Variants in VIL1 observed in about 807,000 individuals in gnomAD.
VIL1 encodes villin 1, also known as villin-1.
A neutral mutation model predicts 104.0 loss-of-function variants in VIL1; 86 were observed. That is an observed-to-expected ratio of 0.83 (90% CI 0.69 to 0.99). The LOEUF is 0.99. Ranked by LOEUF, VIL1 falls within the 50% of genes least tolerant of loss-of-function variation. VIL1 has a pLI of 0.00. For missense variants in VIL1, 944 were observed against 1,054.1 expected (o/e 0.90, Z 1.45); for synonymous variants, 394 against 412.6 (o/e 0.95, Z 0.55).
At chr2:218,431,780 C>T (rs1689102510) in intron 10 of VIL1, 77 bp from the exon 11 acceptor site, 3 of 1,206,084 alleles carry the variant, frequency 2.5e-6, no homozygotes, top group East Asian at 4.9e-5. Context: ...AGAATTGTAG[C>T]CACCATTCAG....
chr2:218,449,384 T>TACTG lies in VIL1; in HGVS notation c.*48_*49insACTG. 6.9e-7 allele frequency: 1 copy of TACTG among 1,451,024 alleles called. No homozygotes were observed. Among genetic ancestry groups the TACTG allele is most frequent in the Non-Finnish European group, 9.7e-7 (1 of 1,033,418 alleles). The allele number at this position is 1,451,024 out of a possible 1,614,324, so 89.9% of individuals were successfully genotyped here. On this transcript the variant is annotated 3_prime_UTR_variant, in exon 20 of 20. Transcript: ENST00000248444. ...GCAGTACCCTACCCTGATTGTAGGG[T>TACTG]CTCATTTTCTCACCGATATTAGTCC...
At chr2:218,432,523 A>C (rs1689116500) in intron 12 of VIL1, 1 of 699,834 alleles carries the variant, frequency 1.4e-6, no homozygotes, top group African/African-American at 1.7e-5. Context: ...AAGGAGCAGA[A>C]AGGAAAGGAG....
Position 218,440,630 on chromosome 2 carries a change from A to G in VIL1, c.2230-92A>G, listed in dbSNP as rs574209388. The G allele has an allele frequency of 9.9e-6, 15 of 1,520,800 alleles. No individual in the cohort carries two copies. The Admixed American group carries it at 2.3e-4, about 24-fold the overall frequency. The allele number at this position is 1,520,800 out of a possible 1,614,324, so 94.2% of individuals were successfully genotyped here. On this transcript the variant is annotated intron_variant, in intron 18 of 19. Transcript: ENST00000248444. ...GGGTGGGACATGGGAGGCTTCTTGA[A>G]GGTGGTGCCCTAGAGACTTCAGAGA...
intron 15 of VIL1, among the ~76,000 whole-genome samples, chr2:218,436,156 G>A (rs541406117): frequency 2.2e-4 from 34 of 152,182 alleles, no homozygotes; most frequent in Admixed American, 2.1e-3. Flanking sequence ...TTTTTCTAGA[G>A]AATATCCATG....
intron 19 of VIL1, among the ~76,000 whole-genome samples, chr2:218,443,935 A>G (rs570839070): frequency 6.6e-6 from 1 of 152,030 alleles, no homozygotes; most frequent in African/African-American, 2.4e-5. Context: ...GATTACAGGC[A>G]TAAGACGCTG....
At chr2:218,429,151 G>C in intron 6 of VIL1, 134 bp from the exon 7 acceptor site, 1 of 1,034,628 alleles carries the variant, frequency 9.7e-7, no homozygotes. Context: ...CCCTCCGACG[G>C]GGAAAAGCAG....
rs1689078680 is a variant in VIL1 at position 218,430,724 on chromosome 2, G to C, written c.949-1G>C. On this transcript the variant is annotated splice_acceptor_variant, in intron 9 of 19. Transcript: ENST00000248444. LOFTEE classifies it high-confidence loss of function. ...CTTCCAGCCACCCCTTTCTCTTCCA[G>C]AACTTCATCAAAGCCAAGCAGTACC... 7 of 1,580,434 alleles carry C rather than the reference G, an allele frequency of 4.4e-6. No individual in the cohort carries two copies. The highest frequency in any genetic ancestry group is 6.0e-6 in the Non-Finnish European group (7 of 1,161,652).
intron 13 of VIL1, 107 bp downstream of exon 13, chr2:218,433,058 CA>C (rs1689127122): frequency 2.2e-6 from 3 of 1,388,552 alleles, no homozygotes; most frequent in Non-Finnish European, 3.0e-6. Flanking sequence ...AGGTGAAGCC[CA>C]TTCTTCATAG....
chr2:218,449,319 GA>G lies in VIL1; in HGVS notation c.2472del (p.Gly825AspfsTer27). 4.3e-6 allele frequency: 7 copies of G among 1,613,488 alleles called. No individual in the cohort carries two copies. Among genetic ancestry groups the G allele is most frequent in the South Asian group, 1.1e-5 (1 of 91,068 alleles). ...PRWKQQNLKK[E>X]KGLF ...ATGGAAGCAACAAAACCTCAAGAAA[GA>G]AAAAGGACTATTTTGAGAAGAGTAG... On this transcript the variant is annotated frameshift_variant, in exon 20 of 20. Transcript: ENST00000248444. LOFTEE classifies it high-confidence loss of function.
intron 19 of VIL1, among the ~76,000 whole-genome samples, chr2:218,448,002 A>G (rs538013196): frequency 1.7e-4 from 26 of 152,230 alleles, no homozygotes; most frequent in African/African-American, 6.3e-4. Flanking sequence ...GCTCATGCTT[A>G]TAATCCCAGC....
chr2:218,433,057 C>A, intron 13 of VIL1, 106 bp downstream of exon 13: 3 of 1,401,820 alleles, frequency 2.1e-6, no homozygotes, highest in Non-Finnish European at 3.0e-6. Context: ...GAGGTGAAGC[C>A]CATTCTTCAT....
At chr2:218,441,007 GA>G in intron 19 of VIL1, 145 bp downstream of exon 19, 1 of 962,808 alleles carries the variant, frequency 1.0e-6, no homozygotes, top group Non-Finnish European at 1.5e-6. Context: ...TATATCCCAG[GA>G]GGAGAGAGAT....
intron 1 of VIL1, among the ~76,000 whole-genome samples, chr2:218,419,622 C>T (rs1040799139): frequency 2.6e-5 from 4 of 152,308 alleles, no homozygotes; most frequent in South Asian, 4.1e-4. Flanking sequence ...CTGGGACCTC[C>T]GGGTCCTGCC....
Position 218,425,742 on chromosome 2 carries a change from C to T in VIL1, c.278C>T (p.Ala93Val). 1.2e-6 allele frequency: 2 copies of T among 1,614,182 alleles called. No homozygotes were observed. Among genetic ancestry groups the T allele is most frequent in the South Asian group, 2.2e-5 (2 of 91,084 alleles). The change falls in exon 4 of 20, where the codon GCT becomes GTT. Residue 93 changes from alanine to valine, a missense_variant. Ala to Val is a moderately conservative substitution (Grantham distance 64). Transcript: ENST00000248444. ...ATGGATGACTTCCTGAAGGGCCGGG[C>T]TGTGCAGCACCGCGAGGTCCAGGGC... ...TQMDDFLKGR[A>V]VQHREVQGNE...
Position 218,424,280 on chromosome 2 carries a change from A to G in VIL1, c.79A>G (p.Met27Val), listed in dbSNP as rs1163969640. The change falls in exon 3 of 20, where the codon ATG becomes GTG. Residue 27 changes from methionine (M) to valine (V), a missense_variant. By Grantham distance (21) the Met-to-Val change is conservative. Coordinates refer to ENST00000248444, the MANE Select transcript of VIL1 (RefSeq NM_007127.3). ...PGLQIWRIEA[M>V]QMVPVPSSTF... is the part of the protein sequence containing the mutation. ...CTGACCCTCTTTCTCTCCTTAGGCC[A>G]TGCAGATGGTGCCTGTTCCTTCCAG... 2 of 1,613,832 alleles carry G rather than the reference A, an allele frequency of 1.2e-6. No homozygotes were observed. Among genetic ancestry groups the G allele is most frequent in the African/African-American group, 2.7e-5 (2 of 74,876 alleles).
chr2:218,432,591 A>G lies in VIL1; in HGVS notation c.1342-202A>G, dbSNP rs1367951950. 7 of 836,114 alleles carry G rather than the reference A, an allele frequency of 8.4e-6. No individual in the cohort carries two copies. The African/African-American group carries it at 1.2e-4, about 14-fold the overall frequency. The allele number at this position is 836,114 out of a possible 1,614,324, so 51.8% of individuals were successfully genotyped here. ...GGTCAGGGCTGGGCTGGGTCTGGGA[A>G]AGAATTAGGTTTGAGGTTGAGATCA... On this transcript the variant is annotated intron_variant, in intron 12 of 19. Coordinates refer to ENST00000248444, the MANE Select transcript of VIL1 (RefSeq NM_007127.3).
At chr2:218,438,846 C>A in intron 18 of VIL1, 120 bp downstream of exon 18, 1 of 775,820 alleles carries the variant, frequency 1.3e-6, no homozygotes. Flanking sequence ...ATTTCTCCCC[C>A]ACTTCTCATT....
chr2:218,440,330 C>T (rs1330622669), intron 18 of VIL1, among the ~76,000 whole-genome samples: 1 of 152,136 alleles, frequency 6.6e-6, no homozygotes, highest in Admixed American at 6.5e-5. Flanking sequence ...AGTGCAGTGG[C>T]GCAATCTCAG....
In VIL1 at chr2:218,436,482, A is replaced by G. The variant is rs747983187; in HGVS notation, c.1827A>G (p.Arg609=). The G allele has an allele frequency of 6.2e-7, 1 of 1,613,446 alleles. No individual in the cohort carries two copies. Among genetic ancestry groups the G allele is most frequent in the Non-Finnish European group, 8.5e-7 (1 of 1,179,746 alleles). ...GTACAATCTTCTCTCCATCCTGCAG[A>G]CTACAGGAAGAAAACCTGGTCATCA... The part of the protein sequence containing the change: ...GGKAPYANTK[R]LQEENLVITP... Residue 609 remains arginine (R), a splice_region_variant and synonymous_variant, in exon 16 of 20, where the codon AGA becomes AGG. Transcript: ENST00000248444.
Sources: gnomAD v4.1 joint callset for allele counts (sites outside exome capture counted in the v4.1 genomes callset) on GRCh38, gnomAD v4.1.1 for gene constraint, MANE v1.5 for transcripts, NCBI Gene and HGNC (gene_info 2026-07-23, HGNC 2026-07-21) for gene names.